Variants in TENM4 observed in about 807,000 individuals in gnomAD.
TENM4 encodes teneurin transmembrane protein 4.
Under a neutral mutation model 243.3 loss-of-function variants are expected in TENM4, and 82 were observed. The ratio of observed to expected loss-of-function variants is 0.34; its 90% confidence interval spans 0.28 to 0.40. TENM4 has a LOEUF of 0.40. TENM4 is among the 10% of genes least tolerant of loss of function. TENM4 has a pLI of 1.00. For synonymous variants in TENM4, 1,412 were observed against 1,456.3 expected (o/e 0.97, Z 0.69); for missense variants, 3,138 against 3,673.3 (o/e 0.85, Z 3.77).
chr11:79,164,043 CTATAAAT>C (rs1565230699), intron 3 of TENM4, among the ~76,000 whole-genome samples: 1 of 40,986 alleles, frequency 2.4e-5, no homozygotes, highest in Non-Finnish European at 5.5e-5. Context: ...TATATATACA[CTATAAAT>C]ACTATGTATA....
chr11:79,164,967 G>A lies in TENM4; in HGVS notation c.-162-16161C>T, dbSNP rs866616890. Reference sequence around the variant, plus strand: ...TAATACTATATATATATGTGTGTGTGTGTGTGTGTGTGTGTGTGTGTGTGT... The same window carrying A: ...TAATACTATATATATATGTGTGTGTATGTGTGTGTGTGTGTGTGTGTGTGT... On this transcript the variant is annotated intron_variant, in intron 3 of 33. Transcript: ENST00000278550. 8.9e-4 allele frequency among the ~76,000 whole-genome samples: 130 copies of A among 145,746 alleles called. 1 individual carries two copies. The highest frequency in any genetic ancestry group is 1.8e-3 in the African/African-American group (67 of 36,404).
chr11:79,139,807 T>A (rs1357881067), intron 4 of TENM4, among the ~76,000 whole-genome samples: 11 of 115,252 alleles, frequency 9.5e-5, no homozygotes, highest in African/African-American at 2.9e-4. Flanking sequence ...AAATATATAA[T>A]ATATATTTTA....
intron 9 of TENM4, among the ~76,000 whole-genome samples, chr11:78,869,789 C>T (rs918111316): frequency 5.3e-5 from 8 of 152,176 alleles, no homozygotes; most frequent in African/African-American, 1.9e-4. Flanking sequence ...TGATGAGTTA[C>T]AATGCCTGAA....
At chr11:79,220,757 G>C (rs1265469142) in intron 2 of TENM4, among the ~76,000 whole-genome samples, 1 of 152,122 alleles carries the variant, frequency 6.6e-6, no homozygotes, top group African/African-American at 2.4e-5. Context: ...GGAGCTCCTT[G>C]AAGACAGTGA....
At chr11:78,687,384 C>T (rs1163026226) in intron 29 of TENM4, among the ~76,000 whole-genome samples, 1 of 152,182 alleles carries the variant, frequency 6.6e-6, no homozygotes, top group African/African-American at 2.4e-5. Context: ...GTACAAAGAG[C>T]CATCCAGCGG....
At chr11:79,082,558 A>G (rs1860702397) in intron 4 of TENM4, among the ~76,000 whole-genome samples, 1 of 134,664 alleles carries the variant, frequency 7.4e-6, no homozygotes, top group Non-Finnish European at 1.7e-5. Context: ...CTGCCCTGAT[A>G]CCCCAGAAAA....
At chr11:79,221,601 T>A (rs1864155802) in intron 2 of TENM4, among the ~76,000 whole-genome samples, 2 of 151,800 alleles carry the variant, frequency 1.3e-5, no homozygotes, top group Non-Finnish European at 2.9e-5. Flanking sequence ...CCAGTGGAAA[T>A]CCCTGTGCGT....
chr11:79,343,707 C>G (rs1857279827), intron 1 of TENM4, among the ~76,000 whole-genome samples: 1 of 152,090 alleles, frequency 6.6e-6, no homozygotes, highest in African/African-American at 2.4e-5. Context: ...TCTCCACTTT[C>G]TTCTCTGTGC....
chr11:78,889,797 C>T lies in TENM4; in HGVS notation c.1072G>A (p.Ala358Thr), dbSNP rs541109300. The T allele has an allele frequency of 2.4e-5, 37 of 1,552,052 alleles. No homozygotes were observed. Among genetic ancestry groups the T allele is most frequent in the Middle Eastern group, 1.7e-4 (1 of 5,990 alleles). Reference protein sequence around the residue: ...VISATLVILLAYFVAMHLFGL... With the variant: ...VISATLVILLTYFVAMHLFGL... ...AAGAGGTGCTTACCCACAAAGTATG[C>T]CAGCAGGATGACCAGAGTGGCTGAG... is the stretch of plus-strand genomic sequence containing the variant. The change falls in exon 9 of 34, where the codon GCA becomes ACA. Residue 358 changes from alanine (A) to threonine (T), a missense_variant. Transcript: ENST00000278550.
intron 1 of TENM4, among the ~76,000 whole-genome samples, chr11:79,338,248 C>T (rs894530745): frequency 6.6e-6 from 1 of 152,222 alleles, no homozygotes; most frequent in Admixed American, 6.5e-5. Flanking sequence ...TTTGCATGTC[C>T]TCACCTATAG....
Position 78,669,438 on chromosome 11 carries a change from T to TG in TENM4, c.6906dup (p.Lys2303GlnfsTer31). The TG allele has an allele frequency of 6.2e-7, 1 of 1,612,890 alleles. No homozygotes were observed. The highest frequency in any genetic ancestry group is 8.5e-7 in the Non-Finnish European group (1 of 1,179,292). On this transcript the variant is annotated frameshift_variant, in exon 32 of 34. Transcript: ENST00000278550. LOFTEE classifies it high-confidence loss of function. This position sits in a 1 kb window ranked among gnomAD's most constrained non-coding sequence, Gnocchi z 6.4. ...TGCAGGTGGTGGCTGTGGCTGCTCTTGCTGGACACGCGCCGCCCCAGGCCA... is the reference window on the plus strand; with the variant it reads ...TGCAGGTGGTGGCTGTGGCTGCTCTTGGCTGGACACGCGCCGCCCCAGGCCA...
chr11:78,672,005 C>T lies in TENM4; in HGVS notation c.5793+28G>A, dbSNP rs776444833. The T allele has an allele frequency of 4.4e-6, 7 of 1,595,066 alleles. No individual in the cohort carries two copies. In the Admixed American group the frequency reaches 8.5e-5, roughly 19 times the overall value. ...ATGATTGGCCTTCTGTATGGCAAGG[C>T]CAGTGATGCAGGGAGACAGACACCT... On this transcript the variant is annotated intron_variant, in intron 31 of 33. Coordinates refer to ENST00000278550, the MANE Select transcript of TENM4 (RefSeq NM_001098816.3).
intron 6 of TENM4, among the ~76,000 whole-genome samples, chr11:79,011,382 A>T (rs936014557): frequency 2.0e-5 from 3 of 152,130 alleles, no homozygotes; most frequent in African/African-American, 7.2e-5. Context: ...TTACATGGGA[A>T]TTTTGGAGTC....
At chr11:79,290,316 T>C (rs1367421020) in intron 2 of TENM4, among the ~76,000 whole-genome samples, 1 of 152,256 alleles carries the variant, frequency 6.6e-6, no homozygotes, top group Non-Finnish European at 1.5e-5. Flanking sequence ...TCAATTTATA[T>C]GTATGTAATA....
chr11:78,766,142 C>T (rs910385418), intron 18 of TENM4, among the ~76,000 whole-genome samples: 1 of 152,178 alleles, frequency 6.6e-6, no homozygotes, highest in African/African-American at 2.4e-5. Flanking sequence ...AAGTACATCA[C>T]TCAAGGTCAC....
chr11:79,252,867 C>A (rs1855636159), intron 2 of TENM4, among the ~76,000 whole-genome samples: 1 of 152,028 alleles, frequency 6.6e-6, no homozygotes, highest in Non-Finnish European at 1.5e-5. Flanking sequence ...ATCAGCTGAC[C>A]CCAGCTCACT....
intron 6 of TENM4, among the ~76,000 whole-genome samples, chr11:79,023,886 C>T (rs958880238): frequency 6.6e-6 from 1 of 152,120 alleles, no homozygotes; most frequent in Non-Finnish European, 1.5e-5. Context: ...CAGGGGTGGG[C>T]CTCATTCTTT....
intron 12 of TENM4, among the ~76,000 whole-genome samples, chr11:78,839,192 C>A (rs1858193547): frequency 6.6e-6 from 1 of 152,164 alleles, no homozygotes; most frequent in African/African-American, 2.4e-5. Context: ...GCCATGCAAT[C>A]AAATCTCTTC....
chr11:78,812,008 TG>T, intron 14 of TENM4, 113 bp downstream of exon 14: 1 of 1,324,510 alleles, frequency 7.5e-7, no homozygotes, highest in Non-Finnish European at 1.0e-6. Context: ...CTTGGGGAGG[TG>T]GGGTCACAAA....
Sources: gnomAD v4.1 joint callset for allele counts (sites outside exome capture counted in the v4.1 genomes callset) on GRCh38, gnomAD v4.1.1 for gene constraint, Gnocchi (gnomAD v3.1) non-coding constraint, MANE v1.5 for transcripts, NCBI Gene and HGNC (gene_info 2026-07-23, HGNC 2026-07-21) for gene names.